The following PDE7B variants were observed in gnomAD, a reference collection of about 807,000 sequenced individuals.
PDE7B encodes the protein 3',5'-cyclic-AMP phosphodiesterase 7B.
A neutral mutation model predicts 56.2 loss-of-function variants in PDE7B; 29 were observed. The observed-to-expected ratio is 0.52, with a 90% CI of 0.38 to 0.70. The LOEUF is 0.70. PDE7B is among the 30% of genes least tolerant of loss of function. The probability of loss-of-function intolerance (pLI) is 0.00; values close to 1 mark genes in which losing one functional copy is unlikely to be tolerated. For synonymous variants in PDE7B, 197 were observed against 196.9 expected (o/e 1.00, Z 0.00); for missense variants, 490 against 565.0 (o/e 0.87, Z 1.35).
chr6:136,181,663 C>T (rs550912842), intron 11 of PDE7B, among the ~76,000 whole-genome samples: 32 of 152,060 alleles, frequency 2.1e-4, no homozygotes, highest in Non-Finnish European at 1.5e-4. Context: ...TTTTAATGAG[C>T]TGAGTGCAGC....
intron 2 of PDE7B, among the ~76,000 whole-genome samples, chr6:135,967,984 G>T (rs765206416): frequency 2.6e-5 from 4 of 152,196 alleles, no homozygotes; most frequent in Non-Finnish European, 5.9e-5. Context: ...CAAGGGTACT[G>T]TGGCTATTGA....
intron 1 of PDE7B, among the ~76,000 whole-genome samples, chr6:135,874,892 A>G (rs1484749612): frequency 1.3e-5 from 2 of 152,064 alleles, no homozygotes; most frequent in South Asian, 4.1e-4. Context: ...AATTCTGTCA[A>G]TTTTTGCTTT....
intron 3 of PDE7B, among the ~76,000 whole-genome samples, chr6:136,139,930 C>T (rs1778290161): frequency 6.6e-6 from 1 of 152,138 alleles, no homozygotes; most frequent in African/African-American, 2.4e-5. Flanking sequence ...TGCCTGTTCA[C>T]TCTGATGGTA....
At chr6:135,926,191 A>G (rs558407195) in intron 1 of PDE7B, among the ~76,000 whole-genome samples, 2 of 145,196 alleles carry the variant, frequency 1.4e-5, no homozygotes, top group East Asian at 2.1e-4. Flanking sequence ...GGTTCACGCC[A>G]TTCTCCTGCC....
At chr6:135,903,726 G>A (rs1046804061) in intron 1 of PDE7B, among the ~76,000 whole-genome samples, 9 of 152,126 alleles carry the variant, frequency 5.9e-5, no homozygotes, top group Non-Finnish European at 8.8e-5. Context: ...CCTTTTTAAA[G>A]TGGTAATAAA....
chr6:136,119,736 GC>G (rs1372713696), intron 3 of PDE7B, among the ~76,000 whole-genome samples: 1 of 152,134 alleles, frequency 6.6e-6, no homozygotes, highest in Non-Finnish European at 1.5e-5. Flanking sequence ...CAAAAAACAG[GC>G]CAAGTGATTC....
chr6:135,937,193 G>A (rs146200546), intron 1 of PDE7B, among the ~76,000 whole-genome samples: 13 of 152,330 alleles, frequency 8.5e-5, no homozygotes, highest in East Asian at 3.9e-4. Context: ...TGGCTGCTGC[G>A]TGTGGTACTC....
At chr6:136,097,278 G>A (rs1320055212) in intron 2 of PDE7B, among the ~76,000 whole-genome samples, 1 of 152,118 alleles carries the variant, frequency 6.6e-6, no homozygotes, top group East Asian at 1.9e-4. Context: ...AATCTCTTGA[G>A]GGCATGTATT....
In PDE7B at chr6:135,979,687, G is replaced by A. The variant is rs535374943; in HGVS notation, c.82+32163G>A. 9.7e-3 allele frequency among the ~76,000 whole-genome samples: 1,475 copies of A among 152,064 alleles called. 23 individuals are homozygous for A. The highest frequency in any genetic ancestry group is 0.033 in the African/African-American group (1,370 of 41,486). ...AGAGCCAAATCATGAGTGAACTCCC[G>A]TTCACAATTGCTTCAAAGAGAATAA... On this transcript the variant is annotated intron_variant, in intron 2 of 12. Transcript: ENST00000308191.
rs546158535 is a variant in PDE7B, at chr6:136,025,950, T to A, written c.82+78426T>A. On this transcript the variant is annotated intron_variant, in intron 2 of 12. Transcript: ENST00000308191. ...ACAGATGCAGCTGGCACTGTGATAT[T>A]GTAAGCAGCCTTGCTAAATGGCTCC... Among the ~76,000 whole-genome samples, 22 of 152,332 alleles carry A rather than the reference T, an allele frequency of 1.4e-4. No individual in the cohort carries two copies. The East Asian group carries it at 4.0e-3, about 28-fold the overall frequency.
chr6:136,166,913 T>A (rs1280480152), intron 8 of PDE7B, among the ~76,000 whole-genome samples: 1 of 152,170 alleles, frequency 6.6e-6, no homozygotes, highest in African/African-American at 2.4e-5. Flanking sequence ...AAAACCAAAA[T>A]GTTTGTAATT....
chr6:135,990,197 G>A (rs1381795891), intron 2 of PDE7B, among the ~76,000 whole-genome samples: 6 of 151,096 alleles, frequency 4.0e-5, no homozygotes, highest in South Asian at 2.1e-4. Flanking sequence ...CTGGGCTCAA[G>A]CAATTCTTCT....
chr6:136,042,746 C>T (rs1185557468), intron 2 of PDE7B, among the ~76,000 whole-genome samples: 3 of 152,190 alleles, frequency 2.0e-5, no homozygotes, highest in Non-Finnish European at 4.4e-5. Context: ...TTCAAAATGT[C>T]TCAAGTATCA....
In PDE7B at chr6:136,151,210, A is replaced by T. The variant is rs1330768168; in HGVS notation, c.433A>T (p.Ile145Phe). The T allele has an allele frequency of 6.2e-7, 1 of 1,612,232 alleles. No homozygotes were observed. The highest frequency in any genetic ancestry group is 1.1e-5 in the South Asian group (1 of 91,056). ...LCHLFNTHGL[I>F]HHFKLDMVTL... is the part of the protein sequence containing the mutation. ...CCACCTCTTCAATACCCATGGACTC[A>T]TTCACCATTTCAAGTTAGATATGGT... is the stretch of plus-strand genomic sequence containing the variant. Residue 145 changes from isoleucine to phenylalanine, a missense_variant, in exon 6 of 13, where the codon ATT becomes TTT. Transcript: ENST00000308191.
Position 136,132,821 on chromosome 6 carries a change from T to C in PDE7B, c.167-14530T>C, listed in dbSNP as rs3778283. Among the ~76,000 whole-genome samples, 55 of 152,242 alleles carry C rather than the reference T, an allele frequency of 3.6e-4. No individual in the cohort carries two copies. In the East Asian group the frequency reaches 5.8e-3, roughly 16 times the overall value. On this transcript the variant is annotated intron_variant, in intron 3 of 12. Transcript: ENST00000308191. The stretch of plus-strand genomic sequence containing the variant: ...TGAACTAGTTCAATGTGAAAATATA[T>C]AGCTTTCCATGCCCTGTTAATGTCT...
At chr6:136,173,772 T>TA in intron 8 of PDE7B, 25 bp from the exon 9 acceptor site, 1 of 1,461,782 alleles carries the variant, frequency 6.8e-7, no homozygotes, top group South Asian at 1.1e-5. Context: ...CTCTCATTTA[T>TA]AACTCTTATT....
At chr6:136,126,812 A>C (rs1001356886) in intron 3 of PDE7B, among the ~76,000 whole-genome samples, 9 of 152,140 alleles carry the variant, frequency 5.9e-5, no homozygotes, top group Non-Finnish European at 1.0e-4. Flanking sequence ...AAAGGATGGG[A>C]AGAGGTTGAG....
intron 2 of PDE7B, chr6:136,038,392 C>T: frequency 1.5e-6 from 2 of 1,291,432 alleles, no homozygotes; most frequent in Non-Finnish European, 2.0e-6. Flanking sequence ...GGCCGGGGTG[C>T]CAGCAGGGGC....
At chr6:135,909,979 T>TA (rs1208125769) in intron 1 of PDE7B, among the ~76,000 whole-genome samples, 4 of 152,212 alleles carry the variant, frequency 2.6e-5, no homozygotes, top group Non-Finnish European at 4.4e-5. Context: ...CTCTACTGCT[T>TA]ACATTTGCAA....
Sources: allele counts gnomAD v4.1 joint callset (sites outside exome capture counted in the v4.1 genomes callset), GRCh38; gene constraint gnomAD v4.1.1; transcripts MANE v1.5; gene names NCBI Gene and HGNC (gene_info 2026-07-23, HGNC 2026-07-21).